MLXIPL: variants seen among roughly 807,000 people sequenced by gnomAD.
MLXIPL encodes carbohydrate-responsive element-binding protein.
Under a neutral mutation model 81.5 loss-of-function variants are expected in MLXIPL, and 49 were observed. The ratio of observed to expected loss-of-function variants is 0.60; its 90% CI spans 0.48 to 0.76. MLXIPL has a LOEUF of 0.76. Among genes scored for constraint, MLXIPL ranks in the 30% least tolerant of loss-of-function variants. The pLI is 0.00. For synonymous variants in MLXIPL, 466 were observed against 485.5 expected (o/e 0.96, Z 0.53); for missense variants, 1,053 against 1,167.0 (o/e 0.90, Z 1.42).
Position 73,593,911 on chromosome 7 carries a change from T to C in MLXIPL, c.2513A>G (p.Gln838Arg), listed in dbSNP as rs1554592721. The C allele has an allele frequency of 6.2e-7, 1 of 1,614,132 alleles. No individual in the cohort carries two copies. The highest frequency in any genetic ancestry group is 8.5e-7 in the Non-Finnish European group (1 of 1,180,012). The change falls in exon 17 of 17, where the codon CAA (glutamine) becomes CGA (arginine). Residue 838 changes from glutamine to arginine, a missense_variant. Transcript: ENST00000313375. ...ILTDPGRIPE[Q>R]ATRAVTEGTL... ...GCCCTCTGTGACTGCCCGTGTGGCT[T>C]GCTCAGGGATGCGGCCCGGGTCGGT...
At chr7:73,647,820 G>T in the MLXIPL span, among the ~76,000 whole-genome samples, 5 of 150,850 alleles carry the variant, frequency 3.3e-5, no homozygotes, top group Admixed American at 3.3e-4. Context: ...GGCCAGGGGC[G>T]GGCGGCGGGC....
Position 73,594,314 on chromosome 7 carries a change from G to A in MLXIPL, c.2400C>T (p.Ala800=), listed in dbSNP as rs868927179. The change falls in exon 16 of 17, where the codon GCC becomes GCT. Residue 800 remains alanine (A), a synonymous_variant. Coordinates refer to ENST00000313375, the MANE Select transcript of MLXIPL (RefSeq NM_032951.3). ...SVHTLRQTSL[A]WLDQYCSLPA... ...GCAGAGAGCAGTACTGGTCCAGCCA[G>A]GCCAGTGAGGTCTGGCGGAGGGTGT... 6.2e-7 allele frequency: 1 copy of A among 1,611,898 alleles called. No individual in the cohort carries two copies.
intron 2 of MLXIPL, among the ~76,000 whole-genome samples, chr7:73,612,439 G>A (rs1554599909): frequency 6.6e-6 from 1 of 152,006 alleles, no homozygotes; most frequent in Non-Finnish European, 1.5e-5. Context: ...TCGGGAGTTC[G>A]AGACCAGCCT....
upstream of MLXIPL, among the ~76,000 whole-genome samples, chr7:73,624,744 C>G (rs904842623): frequency 3.3e-5 from 5 of 152,188 alleles, no homozygotes; most frequent in African/African-American, 9.6e-5. Context: ...GCCGCCCCTA[C>G]TTTGCTCCAA....
At chr7:73,621,826 C>T (rs1176868892) in intron 1 of MLXIPL, among the ~76,000 whole-genome samples, 1 of 94,614 alleles carries the variant, frequency 1.1e-5, no homozygotes, top group Admixed American at 1.0e-4. Context: ...CATCTCCCTC[C>T]GTCTCCCTCC....
intron 1 of MLXIPL, among the ~76,000 whole-genome samples, chr7:73,619,174 G>T (rs1434311232): frequency 6.6e-6 from 1 of 151,912 alleles, no homozygotes; most frequent in Non-Finnish European, 1.5e-5. Context: ...TAAAAAGTTA[G>T]CTGGGGCCAG....
In MLXIPL at chr7:73,596,372, T is replaced by C; in HGVS notation, c.1930A>G (p.Ser644Gly). The change falls in exon 12 of 17, where the codon AGC (serine) becomes GGC (glycine). Residue 644 changes from serine (S) to glycine (G), a missense_variant. Transcript: ENST00000313375. This position sits in a 1 kb window ranked among gnomAD's most constrained non-coding sequence, Gnocchi z 4.7. ...TGGGGGATGGTGCCCACCTTGTTGC[T>C]GTCTGGACGGCCCCGGCTGAGGATG... is the stretch of plus-strand genomic sequence containing the variant. Reference protein sequence around the residue: ...QPILSRGRPDSNKTENRRITH... With the variant: ...QPILSRGRPDGNKTENRRITH... The C allele has an allele frequency of 6.2e-7, 1 of 1,612,294 alleles. No individual in the cohort carries two copies. Among genetic ancestry groups the C allele is most frequent in the Non-Finnish European group, 8.5e-7 (1 of 1,179,738 alleles).
Position 73,624,186 on chromosome 7 carries a change from G to A in MLXIPL, c.293+14C>T, listed in dbSNP as rs781882456. The A allele has an allele frequency of 4.1e-6, 5 of 1,220,434 alleles. No homozygotes were observed. Among genetic ancestry groups the A allele is most frequent in the Non-Finnish European group, 5.4e-6 (5 of 923,706 alleles). The allele number at this position is 1,220,434 out of a possible 1,614,324, so 75.6% of individuals were successfully genotyped here. A position where few individuals can be genotyped will look rare whatever the true frequency, so the allele number is the denominator to read the frequency against. ...CTGGAAGCCAAGGCCGTCAGGGCCC[G>A]GAACCGCCCTCACCTGTAGGCCAGG... On this transcript the variant is annotated intron_variant, in intron 1 of 16. Transcript: ENST00000313375.
At chr7:73,625,128 G>A (rs531125141), upstream of MLXIPL, among the ~76,000 whole-genome samples, 6 of 152,326 alleles carry the variant, frequency 3.9e-5, no homozygotes, top group Non-Finnish European at 8.8e-5. Context: ...AGGCTGCAGT[G>A]AGCGGAGATC....
At chr7:73,594,542 C>T in intron 15 of MLXIPL, 139 bp from the exon 16 acceptor site, 6 of 1,061,574 alleles carry the variant, frequency 5.7e-6, no homozygotes, top group Non-Finnish European at 8.2e-6. Flanking sequence ...ATGTTGCAGC[C>T]CCTACTTCTT....
chr7:73,626,896 C>A (rs1206089935), upstream of MLXIPL, among the ~76,000 whole-genome samples: 1 of 152,154 alleles, frequency 6.6e-6, no homozygotes, highest in African/African-American at 2.4e-5. Context: ...GGTTGACATG[C>A]AGCACTTTCT....
intron 2 of MLXIPL, among the ~76,000 whole-genome samples, chr7:73,614,298 A>T (rs894082671): frequency 1.3e-5 from 2 of 152,100 alleles, no homozygotes; most frequent in Non-Finnish European, 2.9e-5. Flanking sequence ...AGCCAGCCCC[A>T]GCTCTGCTTC....
chr7:73,624,666 C>T (rs555112384), upstream of MLXIPL: 81 of 1,275,482 alleles, frequency 6.4e-5, no homozygotes, highest in Non-Finnish European at 7.7e-5. Context: ...AGGTGAGAAC[C>T]CGGTGCTCTG....
chr7:73,615,557 C>T (rs782449954), intron 2 of MLXIPL, among the ~76,000 whole-genome samples: 34 of 152,198 alleles, frequency 2.2e-4, no homozygotes, highest in Admixed American at 8.5e-4. Context: ...ACCTATTCCC[C>T]GAGACCCGCT....
intron 8 of MLXIPL, 51 bp from the exon 9 acceptor site, chr7:73,597,764 C>A: frequency 3.1e-6 from 4 of 1,287,866 alleles, no homozygotes; most frequent in Non-Finnish European, 3.0e-6. Flanking sequence ...AGAGCTGCCC[C>A]TGGCAGCCAT....
chr7:73,605,886 C>T (rs1314778425), intron 6 of MLXIPL, 24 bp downstream of exon 6: 1 of 1,570,210 alleles, frequency 6.4e-7, no homozygotes, highest in East Asian at 2.3e-5. Flanking sequence ...CACCCCTCTC[C>T]CCTGCCCTTT....
the MLXIPL span, among the ~76,000 whole-genome samples, chr7:73,642,261 T>C: frequency 6.6e-6 from 1 of 152,102 alleles, no homozygotes; most frequent in Non-Finnish European, 1.5e-5. Context: ...TCTGGGAGCA[T>C]CACCCTCCTA....
the MLXIPL span, among the ~76,000 whole-genome samples, chr7:73,641,283 C>T: frequency 6.6e-5 from 10 of 152,130 alleles, no homozygotes; most frequent in African/African-American, 1.2e-4. Flanking sequence ...GGACTTTCCT[C>T]TTTCCCCAGG....
chr7:73,647,297 C>T, the MLXIPL span, among the ~76,000 whole-genome samples: 1 of 152,322 alleles, frequency 6.6e-6, no homozygotes, highest in East Asian at 1.9e-4. Context: ...CTGTCCCAGC[C>T]AGGGGCAGTT....
Sources: gnomAD v4.1 joint callset for allele counts (sites outside exome capture counted in the v4.1 genomes callset) on GRCh38, gnomAD v4.1.1 for gene constraint, Gnocchi (gnomAD v3.1) non-coding constraint, MANE v1.5 for transcripts, NCBI Gene and HGNC (gene_info 2026-07-23, HGNC 2026-07-21) for gene names.